Variants in GALNT13 observed in about 807,000 individuals in gnomAD.
GALNT13 encodes UDP-GalNAc:polypeptide N-acetylgalactosaminyltransferase 13.
GALNT13 carries 28 observed loss-of-function variants against 64.2 expected under a neutral mutation model. The observed-to-expected ratio is 0.44, with a 90% confidence interval of 0.32 to 0.60. The LOEUF (loss-of-function observed/expected upper bound fraction) is 0.60, where lower values mean the gene tolerates loss of function less well. Among genes scored for constraint, GALNT13 ranks in the 20% least tolerant of loss-of-function variants. GALNT13 has a pLI of 0.05. For synonymous variants in GALNT13, 214 were observed against 224.6 expected, an observed-to-expected ratio of 0.95 and a Z score of 0.42; for missense variants, 577 against 669.8, an observed-to-expected ratio of 0.86 and a Z score of 1.53.
At chr2:153,323,999 A>G in the GALNT13 span, among the ~76,000 whole-genome samples, 39 of 152,294 alleles carry the variant, frequency 2.6e-4, no homozygotes, top group South Asian at 2.1e-4. Context: ...TATGAAATTT[A>G]AAGTAGTTTT....
intron 9 of GALNT13, among the ~76,000 whole-genome samples, chr2:154,311,985 C>T (rs1175028286): frequency 6.6e-6 from 1 of 152,142 alleles, no homozygotes; most frequent in Non-Finnish European, 1.5e-5. Flanking sequence ...GCCCACATTT[C>T]ATATTGCTCA....
the GALNT13 span, among the ~76,000 whole-genome samples, chr2:153,146,293 G>T: frequency 6.6e-6 from 1 of 151,544 alleles, no homozygotes; most frequent in Admixed American, 6.6e-5. Flanking sequence ...TTATTCTTGG[G>T]TTCTCTGAAG....
At position 153,896,081 on chromosome 2, in the gene GALNT13, A is replaced by ATATTTTTTTTTTTTTTT. The variant is rs1574065409; in HGVS notation, c.-176-4854_-176-4853insATTTTTTTTTTTTTTTT. Among the ~76,000 whole-genome samples the ATATTTTTTTTTTTTTTT allele has an allele frequency of 1.1e-3, 148 of 136,658 alleles. 1 individual carries two copies. Among genetic ancestry groups the ATATTTTTTTTTTTTTTT allele is most frequent in the Middle Eastern group, 3.8e-3 (1 of 264 alleles). The allele number at this position is 136,658 out of a possible 152,430, so 89.7% of individuals were successfully genotyped here. A position where few individuals can be genotyped will look rare whatever the true frequency, so the allele number is the denominator to read the frequency against. On this transcript the variant is annotated intron_variant, in intron 1 of 12. Transcript: ENST00000392825. ...TTTCTGGAATTAAGGATGATTTTATATTTTTATGTTTTTTCCTAAATTAAA... is the reference window on the plus strand; with the variant it reads ...TTTCTGGAATTAAGGATGATTTTATATATTTTTTTTTTTTTTTTTTTTATGTTTTTTCCTAAATTAAA...
chr2:153,183,902 C>A, the GALNT13 span, among the ~76,000 whole-genome samples: 3 of 152,212 alleles, frequency 2.0e-5, no homozygotes, highest in South Asian at 6.2e-4. Context: ...ATTCAGGTGG[C>A]TTGATGCCTC....
rs532334171 is a variant in GALNT13, at chr2:154,439,308, T to G, written c.1530+582T>G. ...AAACCACAAAATTACTGTTGGAAAT[T>G]TATCTCCAGGCAGTGTGTAAAAACC... is the stretch of plus-strand genomic sequence containing the variant. On this transcript the variant is annotated intron_variant, in intron 12 of 12. Transcript: ENST00000392825. Among the ~76,000 whole-genome samples the G allele has an allele frequency of 2.0e-5, 3 of 152,232 alleles. No individual in the cohort carries two copies. The East Asian group carries it at 5.8e-4, about 29-fold the overall frequency.
chr2:154,274,741 A>G (rs989238255), intron 8 of GALNT13, among the ~76,000 whole-genome samples: 23 of 152,084 alleles, frequency 1.5e-4, no homozygotes, highest in Non-Finnish European at 4.4e-5. Context: ...ATGAGAATGG[A>G]CTAATACAGT....
intron 8 of GALNT13, among the ~76,000 whole-genome samples, chr2:154,269,977 C>G (rs1246467826): frequency 7.9e-6 from 1 of 127,288 alleles, no homozygotes. Flanking sequence ...CATTATGGTT[C>G]CTAATAGAAT....
At chr2:154,317,328 T>C (rs576313680) in intron 9 of GALNT13, among the ~76,000 whole-genome samples, 1 of 152,286 alleles carries the variant, frequency 6.6e-6, no homozygotes, top group African/African-American at 2.4e-5. Context: ...TTTTAAATTC[T>C]AGATCAATAA....
At chr2:153,851,811 A>G in the GALNT13 span, among the ~76,000 whole-genome samples, 11 of 152,218 alleles carry the variant, frequency 7.2e-5, no homozygotes, top group Admixed American at 7.2e-4. Flanking sequence ...TTAGTTAAAA[A>G]AACTCTTAAG....
At chr2:154,298,681 C>CAATGTATATATAAATTATATATAT (rs1553511478) in intron 8 of GALNT13, among the ~76,000 whole-genome samples, 1 of 5,318 alleles carries the variant, frequency 1.9e-4, no homozygotes, top group Non-Finnish European at 3.7e-4. Flanking sequence ...ATTGTATATA[C>CAATGTATATATAAATTATATATAT]AATTTATATA....
chr2:153,441,714 G>A, the GALNT13 span, among the ~76,000 whole-genome samples: 1 of 152,132 alleles, frequency 6.6e-6, no homozygotes, highest in Admixed American at 6.6e-5. Flanking sequence ...TAGCAATTGT[G>A]AATGGGAGTT....
chr2:153,727,892 A>C, the GALNT13 span, among the ~76,000 whole-genome samples: 1 of 151,674 alleles, frequency 6.6e-6, no homozygotes, highest in Non-Finnish European at 1.5e-5. Flanking sequence ...CTCTCCCTCC[A>C]CTTTCCCCTT....
chr2:154,324,612 C>T (rs780576272), intron 9 of GALNT13, among the ~76,000 whole-genome samples: 1 of 152,058 alleles, frequency 6.6e-6, no homozygotes, highest in African/African-American at 2.4e-5. Flanking sequence ...CTCCAAGTTT[C>T]AGGTTTAAAG....
chr2:153,633,351 A>C, the GALNT13 span, among the ~76,000 whole-genome samples: 1 of 152,198 alleles, frequency 6.6e-6, no homozygotes, highest in African/African-American at 2.4e-5. Flanking sequence ...CTTAAGCTAC[A>C]CATAAAATAA....
chr2:153,803,321 G>C, the GALNT13 span, among the ~76,000 whole-genome samples: 1 of 152,170 alleles, frequency 6.6e-6, no homozygotes, highest in Admixed American at 6.5e-5. Context: ...TTTGAAGATA[G>C]AGTTTTTAGG....
intron 3 of GALNT13, among the ~76,000 whole-genome samples, chr2:154,085,728 G>A (rs767881418): frequency 3.3e-5 from 5 of 151,820 alleles, no homozygotes; most frequent in African/African-American, 1.2e-4. Flanking sequence ...CTCACTGACC[G>A]ATTTTCTTTT....
the GALNT13 span, among the ~76,000 whole-genome samples, chr2:153,351,028 G>A: frequency 6.6e-6 from 1 of 152,210 alleles, no homozygotes; most frequent in East Asian, 1.9e-4. Flanking sequence ...TAGGTTTTAA[G>A]GAGGATAGAC....
chr2:153,807,962 A>G, the GALNT13 span, among the ~76,000 whole-genome samples: 1 of 152,138 alleles, frequency 6.6e-6, no homozygotes, highest in Non-Finnish European at 1.5e-5. Context: ...TGCCTAGCTA[A>G]GTTACTAACC....
At chr2:153,305,452 A>T in the GALNT13 span, among the ~76,000 whole-genome samples, 66,002 of 151,946 alleles carry the variant, frequency 0.43, 15,048 homozygotes, top group Middle Eastern at 0.6. Flanking sequence ...CAGGATTTCG[A>T]AGTGTTTTAT....
Sources: allele counts gnomAD v4.1 joint callset (sites outside exome capture counted in the v4.1 genomes callset), GRCh38; gene constraint gnomAD v4.1.1; transcripts MANE v1.5; gene names NCBI Gene and HGNC (gene_info 2026-07-23, HGNC 2026-07-21).